The following PRKAR1B variants were observed in gnomAD, a reference collection of about 807,000 sequenced individuals.
PRKAR1B encodes the protein cAMP-dependent protein kinase type I-beta regulatory subunit.
A neutral mutation model predicts 46.5 loss-of-function variants in PRKAR1B; 22 were observed. The ratio of observed to expected loss-of-function variants is 0.47; its 90% CI spans 0.34 to 0.68. The LOEUF (loss-of-function observed/expected upper bound fraction) is 0.68. Ranked by LOEUF, PRKAR1B falls within the 30% of genes least tolerant of loss-of-function variation. The pLI, the probability that PRKAR1B is intolerant of heterozygous loss-of-function variation, is 0.01. For synonymous variants in PRKAR1B, 259 were observed against 217.7 expected (o/e 1.19, Z -1.67); for missense variants, 445 against 535.6 (o/e 0.83, Z 1.67).
At chr7:638,668 T>G (rs1784246086) in intron 4 of PRKAR1B, among the ~76,000 whole-genome samples, 1 of 152,228 alleles carries the variant, frequency 6.6e-6, no homozygotes, top group African/African-American at 2.4e-5. Context: ...GAAATACTGC[T>G]GAGAAGTTAA....
Position 714,012 on chromosome 7 carries a change from C to T in PRKAR1B, c.-22-2485G>A, listed in dbSNP as rs969109646. Reference sequence around the variant, plus strand: ...ACAACCCACTCAGACCTCTGGCTCTCCCAGCCCTGGCCTGCCTGGAGCTGC... The same window carrying T: ...ACAACCCACTCAGACCTCTGGCTCTTCCAGCCCTGGCCTGCCTGGAGCTGC... On this transcript the variant is annotated intron_variant, in intron 1 of 10. Transcript: ENST00000537384. This position sits in a 1 kb window ranked among gnomAD's most constrained non-coding sequence, Gnocchi z 4.3. Among the ~76,000 whole-genome samples the T allele has an allele frequency of 2.0e-5, 3 of 152,192 alleles. No individual in the cohort carries two copies. Among genetic ancestry groups the T allele is most frequent in the African/African-American group, 4.8e-5 (2 of 41,442 alleles).
intron 7 of PRKAR1B, among the ~76,000 whole-genome samples, chr7:588,747 ATGGTGATGGTGATGG>A (rs1562542157): frequency 3.3e-4 from 2 of 5,978 alleles, no homozygotes; most frequent in Non-Finnish European, 7.2e-4. Flanking sequence ...GACAGTGGTG[ATGGTGATGGTGATGG>A]TGGTGATGGT....
At chr7:579,506 T>A in intron 8 of PRKAR1B, 129 bp from the exon 9 acceptor site, 1 of 1,198,252 alleles carries the variant, frequency 8.3e-7, no homozygotes, top group Non-Finnish European at 1.2e-6. Context: ...CCGTGACCAG[T>A]AAGCTGCATA....
At chr7:670,312 C>T (rs1405444728) in intron 4 of PRKAR1B, among the ~76,000 whole-genome samples, 1 of 152,220 alleles carries the variant, frequency 6.6e-6, no homozygotes, top group Non-Finnish European at 1.5e-5. Context: ...TGCCCAGCAT[C>T]CCTGCAACCA....
intron 4 of PRKAR1B, among the ~76,000 whole-genome samples, chr7:663,807 C>T (rs1336247456): frequency 1.3e-5 from 2 of 152,156 alleles, no homozygotes; most frequent in Non-Finnish European, 2.9e-5. Flanking sequence ...CTCTCAGCCA[C>T]ACACCTGACC....
chr7:661,701 C>A (rs1272636808), intron 4 of PRKAR1B, among the ~76,000 whole-genome samples: 2 of 49,818 alleles, frequency 4.0e-5, no homozygotes, highest in Non-Finnish European at 7.6e-5. Flanking sequence ...CTACTCTCCC[C>A]CCCATGGCAC....
intron 4 of PRKAR1B, among the ~76,000 whole-genome samples, chr7:673,924 C>T (rs1234069397): frequency 6.6e-6 from 1 of 152,198 alleles, no homozygotes; most frequent in Non-Finnish European, 1.5e-5. Flanking sequence ...CTGCGGCCCT[C>T]CTCGGCGTGT....
At chr7:620,481 C>A (rs1783054793) in intron 4 of PRKAR1B, among the ~76,000 whole-genome samples, 1 of 152,214 alleles carries the variant, frequency 6.6e-6, no homozygotes, top group Admixed American at 6.5e-5. Flanking sequence ...CCTGCACCCA[C>A]CCAGCCCCTT....
chr7:572,110 C>G (rs1779554874), intron 9 of PRKAR1B, among the ~76,000 whole-genome samples: 1 of 152,210 alleles, frequency 6.6e-6, no homozygotes, highest in Non-Finnish European at 1.5e-5. Flanking sequence ...CACCCCGAGG[C>G]TGACGGCAGG....
At chr7:655,178 G>A (rs568574484) in intron 4 of PRKAR1B, among the ~76,000 whole-genome samples, 5 of 152,260 alleles carry the variant, frequency 3.3e-5, no homozygotes, top group South Asian at 2.1e-4. Flanking sequence ...TGTAAGAGCC[G>A]ACATGCTATG....
In PRKAR1B at chr7:596,204, G is replaced by C. The variant is rs754809896; in HGVS notation, c.650C>G (p.Ala217Gly). 5.6e-6 allele frequency: 9 copies of C among 1,613,900 alleles called. No homozygotes were observed. Among genetic ancestry groups the C allele is most frequent in the Non-Finnish European group, 6.8e-6 (8 of 1,179,986 alleles). The change falls in exon 7 of 11, where the codon GCC (alanine) becomes GGC (glycine). Residue 217 changes from alanine to glycine, a missense_variant. Ala to Gly is a moderately conservative substitution (Grantham distance 60, BLOSUM62 0). Transcript: ENST00000537384. ...CCCCCAGAGCTTGAGGTCCGTCTTG[G>C]CTTTCACGGTCGCAGCCCTGGGGGT... ...YGTPRAATVKAKTDLKLWGID... is the reference protein window; with the variant it reads ...YGTPRAATVKGKTDLKLWGID...
intron 9 of PRKAR1B, among the ~76,000 whole-genome samples, chr7:568,642 G>A (rs897003294): frequency 3.9e-5 from 6 of 152,358 alleles, no homozygotes; most frequent in African/African-American, 9.6e-5. Context: ...CAGCCACCAC[G>A]GCCAGCCCCT....
intron 4 of PRKAR1B, among the ~76,000 whole-genome samples, chr7:662,590 C>T (rs547905549): frequency 6.8e-6 from 1 of 147,746 alleles, no homozygotes; most frequent in African/African-American, 2.5e-5. Flanking sequence ...CTCTCCCCCC[C>T]ATAGCACAAG....
At chr7:624,079 C>T (rs777453143) in intron 4 of PRKAR1B, among the ~76,000 whole-genome samples, 9 of 152,204 alleles carry the variant, frequency 5.9e-5, no homozygotes, top group Non-Finnish European at 1.2e-4. Context: ...TCAGAATCCA[C>T]TTTGGATGAA....
At chr7:695,420 G>A (rs1435567842) in intron 2 of PRKAR1B, among the ~76,000 whole-genome samples, 1 of 152,116 alleles carries the variant, frequency 6.6e-6, no homozygotes, top group African/African-American at 2.4e-5. Flanking sequence ...CTAAGAGAGA[G>A]CCCCGTGCCG....
At chr7:669,100 T>C (rs1489291503) in intron 4 of PRKAR1B, among the ~76,000 whole-genome samples, 5 of 152,138 alleles carry the variant, frequency 3.3e-5, no homozygotes, top group Non-Finnish European at 5.9e-5. Context: ...GACAAATGGA[T>C]ACACAAATGG....
At chr7:586,269 C>T (rs779878987) in intron 7 of PRKAR1B, among the ~76,000 whole-genome samples, 1 of 152,218 alleles carries the variant, frequency 6.6e-6, no homozygotes, top group Non-Finnish European at 1.5e-5. Flanking sequence ...CAATGATCCT[C>T]ACTCGCCTCC....
Position 679,869 on chromosome 7 carries a change from A to C in PRKAR1B, c.348+687T>G, listed in dbSNP as rs547864257. On this transcript the variant is annotated intron_variant, in intron 3 of 10. Transcript: ENST00000537384. ...GGGATTTGTGCCTGTATAAGAAGAG[A>C]CCAGAGATGCTGGGCATGGTGGCTC... 1.2e-3 allele frequency among the ~76,000 whole-genome samples: 181 copies of C among 152,148 alleles called. 1 individual carries two copies. Among genetic ancestry groups the C allele is most frequent in the Middle Eastern group, 3.4e-3 (1 of 294 alleles).
chr7:698,524 A>G (rs946993785), intron 2 of PRKAR1B, among the ~76,000 whole-genome samples: 4 of 151,990 alleles, frequency 2.6e-5, no homozygotes, highest in Non-Finnish European at 4.4e-5. Flanking sequence ...GCATGTGCAC[A>G]TATGTGTGAA....
Sources: gnomAD v4.1 joint callset for allele counts (sites outside exome capture counted in the v4.1 genomes callset) on GRCh38, gnomAD v4.1.1 for gene constraint, Gnocchi (gnomAD v3.1) non-coding constraint, MANE v1.5 for transcripts, NCBI Gene and HGNC (gene_info 2026-07-23, HGNC 2026-07-21) for gene names.